The following BTRC variants were observed in gnomAD, a reference collection of about 807,000 sequenced individuals.
BTRC encodes the protein F-box/WD repeat-containing protein 1A.
BTRC carries 42 observed loss-of-function variants against 85.5 expected under a neutral mutation model. That is an observed-to-expected ratio of 0.49 (90% CI 0.38 to 0.64). The LOEUF (loss-of-function observed/expected upper bound fraction) is 0.64. Among genes scored for constraint, BTRC ranks in the 30% least tolerant of loss-of-function variants. The pLI is 0.00. For missense variants in BTRC, 594 were observed against 743.5 expected, an observed-to-expected ratio of 0.80 and a Z score of 2.34; for synonymous variants, 255 against 263.3, an observed-to-expected ratio of 0.97 and a Z score of 0.30.
intron 1 of BTRC, among the ~76,000 whole-genome samples, chr10:101,387,347 G>A (rs566562636): frequency 6.6e-6 from 1 of 150,872 alleles, no homozygotes; most frequent in Admixed American, 6.6e-5. Flanking sequence ...TATTCTCCTA[G>A]CTATTTGAAC....
At position 101,385,615 on chromosome 10, in the gene BTRC, C is replaced by CTTTTTTTTTTTTTTT. The variant is rs146804594; in HGVS notation, c.48+31389_48+31390insTTTTTTTTTTTTTTT. Among the ~76,000 whole-genome samples the CTTTTTTTTTTTTTTT allele has an allele frequency of 1.8e-4, 9 of 48,894 alleles. 1 individual carries two copies. The highest frequency in any genetic ancestry group is 3.3e-4 in the African/African-American group (6 of 18,144). 32.1% of individuals were successfully genotyped at this position (48,894 alleles called of 152,430 possible). A position where few individuals can be genotyped will look rare whatever the true frequency, so the allele number is the denominator to read the frequency against. On this transcript the variant is annotated intron_variant, in intron 1 of 14. Coordinates refer to ENST00000370187, the MANE Select transcript of BTRC (RefSeq NM_033637.4). ...TTTTCTTTGTTCTTTCTTTCTTCTT[C>CTTTTTTTTTTTTTTT]TTCTTTTTTTTTTTTTTTGTGTGTT...
intron 4 of BTRC, among the ~76,000 whole-genome samples, chr10:101,516,970 G>GT (rs2062033024): frequency 6.6e-6 from 1 of 152,092 alleles, no homozygotes; most frequent in Non-Finnish European, 1.5e-5. Flanking sequence ...AGTTTGGGAG[G>GT]TTTTCATTAT....
At chr10:101,390,764 A>T (rs1416276639) in intron 1 of BTRC, among the ~76,000 whole-genome samples, 2 of 110,248 alleles carry the variant, frequency 1.8e-5, no homozygotes, top group Non-Finnish European at 3.9e-5. Flanking sequence ...GTTTGTCTTA[A>T]AAAAGAAAGA....
intron 3 of BTRC, among the ~76,000 whole-genome samples, chr10:101,478,399 T>C (rs1360805016): frequency 6.6e-6 from 1 of 152,138 alleles, no homozygotes; most frequent in Non-Finnish European, 1.5e-5. Flanking sequence ...AAGTCAAAGC[T>C]TGTATTGAGA....
At chr10:101,479,926 T>C (rs1945791754) in intron 4 of BTRC, among the ~76,000 whole-genome samples, 1 of 152,216 alleles carries the variant, frequency 6.6e-6, no homozygotes, top group Non-Finnish European at 1.5e-5. Flanking sequence ...CATGGACAAG[T>C]ATGTTTAGTC....
chr10:101,536,037 G>A (rs925381734), intron 11 of BTRC, among the ~76,000 whole-genome samples: 2 of 152,162 alleles, frequency 1.3e-5, no homozygotes, highest in African/African-American at 2.4e-5. Context: ...CTCTGAAAAC[G>A]TACAGTTTTT....
intron 5 of BTRC, among the ~76,000 whole-genome samples, chr10:101,523,641 A>G (rs1031735660): frequency 2.6e-5 from 4 of 152,190 alleles, no homozygotes; most frequent in Admixed American, 6.5e-5. Flanking sequence ...CTGATTTGCT[A>G]AGTTATTAAT....
intron 1 of BTRC, among the ~76,000 whole-genome samples, chr10:101,425,161 T>C (rs1039203619): frequency 9.2e-5 from 14 of 152,218 alleles, no homozygotes; most frequent in South Asian, 2.1e-4. Context: ...TAGTATTCCA[T>C]GGTATATGTG....
chr10:101,491,384 TATTA>T (rs749700381), intron 4 of BTRC, among the ~76,000 whole-genome samples: 8 of 152,188 alleles, frequency 5.3e-5, no homozygotes, highest in African/African-American at 1.2e-4. Flanking sequence ...TAAACTTGGT[TATTA>T]ATTTTGTCAA....
intron 1 of BTRC, among the ~76,000 whole-genome samples, chr10:101,390,800 T>C (rs918249596): frequency 6.6e-6 from 1 of 152,116 alleles, no homozygotes; most frequent in African/African-American, 2.4e-5. Flanking sequence ...ACAACAACTT[T>C]TAAGGGTGAA....
At chr10:101,492,546 T>C (rs1261051328) in intron 4 of BTRC, among the ~76,000 whole-genome samples, 1 of 152,184 alleles carries the variant, frequency 6.6e-6, no homozygotes, top group East Asian at 1.9e-4. Flanking sequence ...TTACGGAACT[T>C]TCTACTGATT....
intron 1 of BTRC, among the ~76,000 whole-genome samples, chr10:101,429,254 T>C (rs994399124): frequency 7.9e-5 from 12 of 152,286 alleles, no homozygotes; most frequent in Admixed American, 2.6e-4. Flanking sequence ...TGGGATACTT[T>C]TAGAGAAACA....
At chr10:101,539,970 T>A in intron 13 of BTRC, among the ~76,000 whole-genome samples, 1 of 152,236 alleles carries the variant, frequency 6.6e-6, no homozygotes, top group Non-Finnish European at 1.5e-5. Context: ...CTTTTCCCAT[T>A]TTTTAATTGA....
intron 2 of BTRC, among the ~76,000 whole-genome samples, chr10:101,448,705 G>A (rs140195021): frequency 4.6e-5 from 7 of 152,056 alleles, no homozygotes; most frequent in African/African-American, 1.4e-4. Context: ...TGGAAAGCAG[G>A]ATTTACAGCA....
At chr10:101,430,244 C>G in intron 1 of BTRC, 101 bp from the exon 2 acceptor site, 1 of 640,936 alleles carries the variant, frequency 1.6e-6, no homozygotes, top group Non-Finnish European at 2.6e-6. Flanking sequence ...TAAAGGTCAG[C>G]TGCAACTGGA....
intron 2 of BTRC, among the ~76,000 whole-genome samples, chr10:101,449,952 A>G (rs937029789): frequency 1.3e-5 from 2 of 150,912 alleles, no homozygotes; most frequent in African/African-American, 4.9e-5. Context: ...TAATAAGTAG[A>G]TGTAGTTTTG....
At chr10:101,549,611 G>A (rs2062615404) in intron 13 of BTRC, among the ~76,000 whole-genome samples, 1 of 150,806 alleles carries the variant, frequency 6.6e-6, no homozygotes, top group Non-Finnish European at 1.5e-5. Flanking sequence ...CTACTCGGGA[G>A]GCTGAGGCAG....
chr10:101,390,574 C>T (rs1943212026), intron 1 of BTRC, among the ~76,000 whole-genome samples: 1 of 152,004 alleles, frequency 6.6e-6, no homozygotes, highest in South Asian at 2.1e-4. Context: ...CCTCGTGATC[C>T]TCCCGCCTCG....
intron 4 of BTRC, among the ~76,000 whole-genome samples, chr10:101,480,367 A>G (rs571172489): frequency 1.3e-5 from 2 of 152,364 alleles, no homozygotes; most frequent in Admixed American, 6.5e-5. Context: ...GAGCTGCTAT[A>G]ACAAAAATAC....
Sources: allele counts gnomAD v4.1 joint callset (sites outside exome capture counted in the v4.1 genomes callset), GRCh38; gene constraint gnomAD v4.1.1; transcripts MANE v1.5; gene names NCBI Gene and HGNC (gene_info 2026-07-23, HGNC 2026-07-21).